PLVAP: variants seen among roughly 807,000 people sequenced by gnomAD.
PLVAP encodes the protein plasmalemma vesicle-associated protein.
PLVAP carries 34 observed loss-of-function variants against 43.1 expected under a neutral mutation model. That is an observed-to-expected ratio of 0.79 (90% CI 0.60 to 1.05). The LOEUF (loss-of-function observed/expected upper bound fraction) is 1.05. Among genes scored for constraint, PLVAP ranks in the 50% least tolerant of loss-of-function variants. PLVAP has a pLI of 0.00. For synonymous variants in PLVAP, 241 were observed against 237.3 expected (o/e 1.02, Z -0.14); for missense variants, 574 against 593.4 (o/e 0.97, Z 0.34).
intron 3 of PLVAP, 94 bp downstream of exon 3, chr19:17,365,192 T>C: frequency 2.5e-6 from 3 of 1,191,188 alleles, no homozygotes; most frequent in Non-Finnish European, 3.5e-6. Flanking sequence ...CAGGAAGCCA[T>C]CCTCAAAGCC....
At chr19:17,357,321 A>G (rs2074510521) in intron 5 of PLVAP, among the ~76,000 whole-genome samples, 1 of 151,766 alleles carries the variant, frequency 6.6e-6, no homozygotes, top group Non-Finnish European at 1.5e-5. Context: ...GTGGAAAAGG[A>G]AAAATCAACT....
chr19:17,365,902 A>G lies in PLVAP; in HGVS notation c.563T>C (p.Leu188Pro). 6.2e-7 allele frequency: 1 copy of G among 1,614,062 alleles called. No homozygotes were observed. The highest frequency in any genetic ancestry group is 1.1e-5 in the South Asian group (1 of 91,082). Reference sequence around the variant, plus strand: ...CTGTTCCTCCGCCACGCGTTTGTTCAGCAGCACGCTTTCCTTATCCTTAGT... The same window carrying G: ...CTGTTCCTCCGCCACGCGTTTGTTCGGCAGCACGCTTTCCTTATCCTTAGT... ...ICTKDKESVLLNKRVAEEQLV... is the reference protein window; with the variant it reads ...ICTKDKESVLPNKRVAEEQLV... The change falls in exon 3 of 6, where the codon CTG becomes CCG. Residue 188 changes from leucine (L) to proline (P), a missense_variant. By Grantham distance (98) the Leu-to-Pro change is moderately conservative (BLOSUM62 -3). Coordinates refer to ENST00000252590, the MANE Select transcript of PLVAP (RefSeq NM_031310.3).
At chr19:17,369,975 C>G (rs1415550624) in intron 1 of PLVAP, among the ~76,000 whole-genome samples, 1 of 144,360 alleles carries the variant, frequency 6.9e-6, no homozygotes, top group Non-Finnish European at 1.5e-5. Context: ...TGCACTCCAG[C>G]CTGGGTGACA....
intron 1 of PLVAP, among the ~76,000 whole-genome samples, chr19:17,369,179 T>G (rs2074561798): frequency 6.9e-6 from 1 of 145,088 alleles, no homozygotes; most frequent in South Asian, 2.2e-4. Context: ...CCTTTTTTTG[T>G]TTTTTTTTTT....
At chr19:17,375,751 C>T (rs771561480) in intron 1 of PLVAP, among the ~76,000 whole-genome samples, 3 of 151,972 alleles carry the variant, frequency 2.0e-5, no homozygotes, top group Non-Finnish European at 2.9e-5. Context: ...CATGGTTGCA[C>T]ACGCCTGTAA....
rs747573225 is a variant in PLVAP, at chr19:17,360,570, T to C, written c.1280A>G (p.Glu427Gly). 2 of 1,613,906 alleles carry C rather than the reference T, an allele frequency of 1.2e-6. No homozygotes were observed. Among genetic ancestry groups the C allele is most frequent in the Admixed American group, 3.3e-5 (2 of 59,982 alleles). The change falls in exon 5 of 6, where the codon GAG (glutamate) becomes GGG (glycine). Residue 427 changes from glutamate to glycine, a missense_variant. Transcript: ENST00000252590. The part of the protein sequence containing the change: ...SLEEFKRKIL[E>G]SQRPPAGIPV... ...GATGCCTGCAGGGGGCCTCTGGGACTCCAGGATCTTCCTCTTGAACTCCTC... is the reference window on the plus strand; with the variant it reads ...GATGCCTGCAGGGGGCCTCTGGGACCCCAGGATCTTCCTCTTGAACTCCTC...
In PLVAP at chr19:17,377,148, C is replaced by T. The variant is rs1448347698; in HGVS notation, c.141G>A (p.Met47Ile). 6.2e-7 allele frequency: 1 copy of T among 1,614,112 alleles called. No individual in the cohort carries two copies. The highest frequency in any genetic ancestry group is 8.5e-7 in the Non-Finnish European group (1 of 1,180,018). ...TGCTCACGTGCACGTTGCCATAGACCATGAAGAGCACGAGCCCCAGGATGA... is the reference window on the plus strand; with the variant it reads ...TGCTCACGTGCACGTTGCCATAGACTATGAAGAGCACGAGCCCCAGGATGA... ...FLIILGLVLF[M>I]VYGNVHVSTE... Residue 47 changes from methionine (M) to isoleucine (I), a missense_variant, in exon 1 of 6, where the codon ATG (methionine) becomes ATA (isoleucine). Physicochemically the swap from Met to Ile is conservative, Grantham distance 10 (BLOSUM62 1). Transcript: ENST00000252590.
At chr19:17,374,966 A>C (rs928636927) in intron 1 of PLVAP, among the ~76,000 whole-genome samples, 10 of 151,996 alleles carry the variant, frequency 6.6e-5, no homozygotes, top group Admixed American at 3.9e-4. Context: ...CTACAGGCAC[A>C]TACCACCATA....
intron 5 of PLVAP, among the ~76,000 whole-genome samples, chr19:17,353,666 A>G (rs1460473044): frequency 6.6e-6 from 1 of 151,970 alleles, no homozygotes; most frequent in Non-Finnish European, 1.5e-5. Flanking sequence ...CTGCTTCAAT[A>G]TCACCTCCTC....
chr19:17,359,238 G>A (rs2074518203), intron 5 of PLVAP, among the ~76,000 whole-genome samples: 1 of 151,124 alleles, frequency 6.6e-6, no homozygotes, highest in Non-Finnish European at 1.5e-5. Flanking sequence ...GAGTAGCTGG[G>A]ATTACAGGTG....
intron 1 of PLVAP, among the ~76,000 whole-genome samples, chr19:17,368,491 C>T (rs1168366571): frequency 6.6e-6 from 1 of 151,122 alleles, no homozygotes; most frequent in Admixed American, 6.6e-5. Context: ...GGATTATAGT[C>T]GTGAGCCACC....
chr19:17,352,230 A>G lies in PLVAP; in HGVS notation c.*132T>C, dbSNP rs1599569323. 1 of 1,098,230 alleles carries G rather than the reference A, an allele frequency of 9.1e-7. No individual in the cohort carries two copies. Among genetic ancestry groups the G allele is most frequent in the Admixed American group, 2.3e-5 (1 of 43,096 alleles). 68.0% of individuals were successfully genotyped at this position (1,098,230 alleles called of 1,614,324 possible). ...GGGTACTAGGGGTTTGCATGCAGGGAGTTGTCTGATGGTGGCCCTGGGTGG... is the reference window on the plus strand; with the variant it reads ...GGGTACTAGGGGTTTGCATGCAGGGGGTTGTCTGATGGTGGCCCTGGGTGG... On this transcript the variant is annotated 3_prime_UTR_variant, in exon 6 of 6. Transcript: ENST00000252590.
intron 1 of PLVAP, among the ~76,000 whole-genome samples, chr19:17,369,655 A>G (rs1432003598): frequency 1.3e-5 from 2 of 149,628 alleles, no homozygotes; most frequent in Non-Finnish European, 3.0e-5. Context: ...AAAAAGAAAA[A>G]TTAAAATTAA....
At chr19:17,369,311 G>A (rs564362359) in intron 1 of PLVAP, among the ~76,000 whole-genome samples, 2 of 151,262 alleles carry the variant, frequency 1.3e-5, no homozygotes, top group Admixed American at 6.6e-5. Flanking sequence ...TCAGCCTCTC[G>A]AGTAGCTGGG....
At chr19:17,369,345 C>CT (rs2074562736) in intron 1 of PLVAP, among the ~76,000 whole-genome samples, 1 of 150,818 alleles carries the variant, frequency 6.6e-6, no homozygotes, top group Non-Finnish European at 1.5e-5. Context: ...ACCACCATAC[C>CT]TGGCTAATTT....
intron 1 of PLVAP, among the ~76,000 whole-genome samples, chr19:17,367,120 T>A (rs2074553606): frequency 6.6e-6 from 1 of 151,726 alleles, no homozygotes; most frequent in Non-Finnish European, 1.5e-5. Flanking sequence ...TTTTTTGTAT[T>A]TTCCTTAGAG....
At chr19:17,356,137 T>A (rs1251813802) in intron 5 of PLVAP, among the ~76,000 whole-genome samples, 2 of 151,958 alleles carry the variant, frequency 1.3e-5, no homozygotes, top group Non-Finnish European at 2.9e-5. Context: ...GGTGAAACCC[T>A]GTCTCTACTA....
intron 5 of PLVAP, among the ~76,000 whole-genome samples, 159 bp downstream of exon 5, chr19:17,360,369 C>T (rs2074523131): frequency 6.6e-6 from 1 of 152,176 alleles, no homozygotes; most frequent in Admixed American, 6.5e-5. Flanking sequence ...TTGGATACTG[C>T]TGTGTCCCTC....
intron 1 of PLVAP, among the ~76,000 whole-genome samples, chr19:17,368,618 G>A (rs2074559537): frequency 6.6e-6 from 1 of 152,104 alleles, no homozygotes; most frequent in African/African-American, 2.4e-5. Flanking sequence ...TGGACACAGA[G>A]ACACGGACAG....
Sources: allele counts gnomAD v4.1 joint callset (sites outside exome capture counted in the v4.1 genomes callset), GRCh38; gene constraint gnomAD v4.1.1; transcripts MANE v1.5; gene names NCBI Gene and HGNC (gene_info 2026-07-23, HGNC 2026-07-21).